Variants in MYO1B observed in about 807,000 individuals in gnomAD.
The protein encoded by MYO1B is unconventional myosin-Ib.
In MYO1B, 72 loss-of-function variants were observed where a neutral mutation model predicts 159.7. The observed-to-expected ratio is 0.45, with a 90% confidence interval of 0.37 to 0.55. The LOEUF (loss-of-function observed/expected upper bound fraction) is 0.55. MYO1B is among the 20% of genes least tolerant of loss of function. The pLI, the probability that MYO1B is intolerant of heterozygous loss-of-function variation, is 0.00. For missense variants in MYO1B, 1,062 were observed against 1,364.8 expected (o/e 0.78, Z 3.50); for synonymous variants, 468 against 473.8 (o/e 0.99, Z 0.16).
chr2:191,403,852 A>G (rs1372854243), intron 24 of MYO1B, among the ~76,000 whole-genome samples: 1 of 152,196 alleles, frequency 6.6e-6, no homozygotes, highest in African/African-American at 2.4e-5. Context: ...ACATTTTCCC[A>G]TTTAACTCAC....
intron 20 of MYO1B, 95 bp downstream of exon 20, chr2:191,393,317 T>G: frequency 7.3e-7 from 1 of 1,372,402 alleles, no homozygotes; most frequent in Non-Finnish European, 1.0e-6. Context: ...ACATACTTAA[T>G]TCTCCCAACA....
At chr2:191,281,955 A>G (rs16833567) in intron 2 of MYO1B, among the ~76,000 whole-genome samples, 4,958 of 152,278 alleles carry the variant, frequency 0.033, 256 homozygotes, top group African/African-American at 0.11. Flanking sequence ...CTTAAGTTAT[A>G]GAAGTTAATA....
chr2:191,250,387 G>A (rs1238694950), intron 1 of MYO1B, among the ~76,000 whole-genome samples: 4 of 152,174 alleles, frequency 2.6e-5, no homozygotes, highest in African/African-American at 7.2e-5. Flanking sequence ...CATTCTATGC[G>A]AGAAGGTTTG....
intron 3 of MYO1B, among the ~76,000 whole-genome samples, chr2:191,314,090 T>G (rs947091187): frequency 6.6e-6 from 1 of 152,272 alleles, no homozygotes; most frequent in Non-Finnish European, 1.5e-5. Context: ...AATTTAAACA[T>G]GAGTTCAGTA....
intron 7 of MYO1B, among the ~76,000 whole-genome samples, chr2:191,356,811 G>A (rs909594557): frequency 1.3e-5 from 2 of 152,196 alleles, no homozygotes; most frequent in Non-Finnish European, 2.9e-5. Context: ...ACTGGCATAT[G>A]CTTGTTGTTT....
intron 21 of MYO1B, among the ~76,000 whole-genome samples, chr2:191,399,637 C>G (rs1696480930): frequency 6.6e-6 from 1 of 152,196 alleles, no homozygotes; most frequent in Non-Finnish European, 1.5e-5. Flanking sequence ...GGCCTGGAGC[C>G]CTTTCAGAGG....
At chr2:191,246,761 C>G (rs1685817810) in intron 1 of MYO1B, among the ~76,000 whole-genome samples, 1 of 152,032 alleles carries the variant, frequency 6.6e-6, no homozygotes. Flanking sequence ...AGGGCAGAAA[C>G]CACCAGAAAA....
intron 2 of MYO1B, among the ~76,000 whole-genome samples, chr2:191,294,586 T>C (rs956689573): frequency 1.3e-5 from 2 of 152,178 alleles, no homozygotes; most frequent in Non-Finnish European, 2.9e-5. Context: ...TGGGTTGCAG[T>C]GTGAGGACAA....
At chr2:191,331,658 T>TA (rs1490669654) in intron 4 of MYO1B, among the ~76,000 whole-genome samples, 4 of 152,224 alleles carry the variant, frequency 2.6e-5, no homozygotes, top group African/African-American at 9.6e-5. Flanking sequence ...TGAAAGGTAC[T>TA]ATACTAGGGA....
At chr2:191,262,937 T>C (rs998651191) in intron 1 of MYO1B, 6 of 152,240 alleles carry the variant, frequency 3.9e-5, no homozygotes, top group African/African-American at 1.4e-4. Context: ...ATTCCTCCTT[T>C]TGAGGTGAAT....
At position 191,293,868 on chromosome 2, in the gene MYO1B, T is replaced by A. The variant is rs116438668; in HGVS notation, c.136-2243T>A. Among the ~76,000 whole-genome samples the A allele has an allele frequency of 3.9e-3, 593 of 152,290 alleles. 3 individuals are homozygous for A. Among genetic ancestry groups the A allele is most frequent in the African/African-American group, 0.014 (570 of 41,568 alleles). ...CTATTCAAGATGGGGTTGCTCTGGT[T>A]CAAACACCTCTAACAGTAACACATG... On this transcript the variant is annotated intron_variant, in intron 2 of 30. Transcript: ENST00000392318.
intron 24 of MYO1B, chr2:191,407,665 G>A (rs911269220): frequency 2.6e-5 from 4 of 152,244 alleles, no homozygotes; most frequent in African/African-American, 9.6e-5. Context: ...TAAATTCTTA[G>A]CCATATTCAG....
At chr2:191,286,091 C>G (rs1688350027) in intron 2 of MYO1B, among the ~76,000 whole-genome samples, 2 of 152,158 alleles carry the variant, frequency 1.3e-5, no homozygotes, top group African/African-American at 4.8e-5. Context: ...GTTTCCAGTT[C>G]TATTCCCCTG....
At chr2:191,276,766 AT>A in intron 1 of MYO1B, 120 bp from the exon 2 acceptor site, 1 of 1,212,364 alleles carries the variant, frequency 8.2e-7, no homozygotes, top group Non-Finnish European at 1.1e-6. Context: ...AGGTTATGAC[AT>A]TTTTTAAGGC....
At chr2:191,337,889 T>C (rs1559179852) in intron 4 of MYO1B, among the ~76,000 whole-genome samples, 1 of 152,174 alleles carries the variant, frequency 6.6e-6, no homozygotes, top group Non-Finnish European at 1.5e-5. Flanking sequence ...AAGGTTTGAT[T>C]TGTATAAGTA....
chr2:191,324,019 G>A (rs934820861), intron 3 of MYO1B, among the ~76,000 whole-genome samples: 1 of 151,844 alleles, frequency 6.6e-6, no homozygotes, highest in Non-Finnish European at 1.5e-5. Context: ...TGGCAACTAG[G>A]GACTTCTTTG....
chr2:191,420,740 T>C (rs1411559834), intron 30 of MYO1B, among the ~76,000 whole-genome samples: 2 of 152,232 alleles, frequency 1.3e-5, no homozygotes, highest in African/African-American at 4.8e-5. Flanking sequence ...TGTGTGTATA[T>C]ACATATAGGT....
At chr2:191,359,205 T>G (rs151260748) in intron 7 of MYO1B, among the ~76,000 whole-genome samples, 61 of 152,302 alleles carry the variant, frequency 4.0e-4, no homozygotes, top group African/African-American at 1.4e-3. Flanking sequence ...TGCATGTCAG[T>G]TTTTACTTAT....
Position 191,424,076 on chromosome 2 carries a change from T to C in MYO1B, c.*116T>C. 1 of 1,231,020 alleles carries C rather than the reference T, an allele frequency of 8.1e-7. No individual in the cohort carries two copies. Among genetic ancestry groups the C allele is most frequent in the Non-Finnish European group, 1.1e-6 (1 of 888,406 alleles). The allele number at this position is 1,231,020 out of a possible 1,614,324, so 76.3% of individuals were successfully genotyped here. ...ATCACCAAAGGCTTTTAGAGTTCTT[T>C]GGCAAAATAAAAATATTTGACTAAT... On this transcript the variant is annotated 3_prime_UTR_variant, in exon 31 of 31. Transcript: ENST00000392318.
Sources: gnomAD v4.1 joint callset for allele counts (sites outside exome capture counted in the v4.1 genomes callset) on GRCh38, gnomAD v4.1.1 for gene constraint, MANE v1.5 for transcripts, NCBI Gene and HGNC (gene_info 2026-07-23, HGNC 2026-07-21) for gene names.